Variants in LYPD6 observed in about 807,000 individuals in gnomAD.
LYPD6 encodes the protein ly6/PLAUR domain-containing protein 6.
In LYPD6, 15 loss-of-function variants were observed where a neutral mutation model predicts 22.7. That is an observed-to-expected ratio of 0.66 (90% CI 0.44 to 1.02). LYPD6 has a LOEUF of 1.02. Among genes scored for constraint, LYPD6 ranks in the 50% least tolerant of loss-of-function variants. The probability of loss-of-function intolerance (pLI) is 0.00; values close to 1 mark genes in which losing one functional copy is unlikely to be tolerated. For missense variants in LYPD6, 189 were observed against 208.4 expected (o/e 0.91, Z 0.57); for synonymous variants, 72 against 77.5 (o/e 0.93, Z 0.37).
chr2:149,459,108 A>G (rs554442820), intron 3 of LYPD6, among the ~76,000 whole-genome samples: 1 of 152,216 alleles, frequency 6.6e-6, no homozygotes, highest in Non-Finnish European at 1.5e-5. Context: ...AATCCACACA[A>G]AAACACATAA....
intron 1 of LYPD6, among the ~76,000 whole-genome samples, chr2:149,392,512 C>T (rs1045779035): frequency 7.9e-5 from 12 of 152,324 alleles, no homozygotes; most frequent in African/African-American, 2.9e-4. Flanking sequence ...CTCTTGGAAA[C>T]TCACAGGGTA....
intron 1 of LYPD6, among the ~76,000 whole-genome samples, chr2:149,344,313 T>A (rs918231000): frequency 6.6e-6 from 1 of 152,216 alleles, no homozygotes; most frequent in Non-Finnish European, 1.5e-5. Context: ...CTGCAAGCTA[T>A]GCACTTTTCC....
At chr2:149,349,140 A>C (rs1370134040) in intron 1 of LYPD6, among the ~76,000 whole-genome samples, 1 of 152,124 alleles carries the variant, frequency 6.6e-6, no homozygotes, top group Non-Finnish European at 1.5e-5. Flanking sequence ...GAAATGGAGT[A>C]GGAGGTTGGG....
chr2:149,402,481 T>C (rs950341711), intron 1 of LYPD6, among the ~76,000 whole-genome samples: 1 of 152,204 alleles, frequency 6.6e-6, no homozygotes, highest in Non-Finnish European at 1.5e-5. Context: ...CCATAGTGGC[T>C]GCACTAGTTT....
At chr2:149,477,622 CAAAAAAAAAAAAA>C (rs35507967), downstream of LYPD6, among the ~76,000 whole-genome samples, 122 of 62,932 alleles carry the variant, frequency 1.9e-3, no homozygotes, top group African/African-American at 7.4e-3. Flanking sequence ...AACTGTGTCT[CAAAAAAAAAAAAA>C]AAAAAAAAAA....
chr2:149,461,621 A>AT (rs967378450), intron 3 of LYPD6, among the ~76,000 whole-genome samples: 5 of 151,942 alleles, frequency 3.3e-5, no homozygotes, highest in African/African-American at 7.2e-5. Context: ...CCAATCTATT[A>AT]TTTTTTTATG....
intron 2 of LYPD6, among the ~76,000 whole-genome samples, chr2:149,438,744 A>G (rs1017967949): frequency 7.2e-5 from 11 of 152,212 alleles, no homozygotes; most frequent in Non-Finnish European, 1.0e-4. Flanking sequence ...GACTCCTTCA[A>G]TCCACGTGGT....
chr2:149,390,250 C>T (rs945227219), intron 1 of LYPD6, among the ~76,000 whole-genome samples: 2 of 152,222 alleles, frequency 1.3e-5, no homozygotes, highest in African/African-American at 4.8e-5. Context: ...CTTTGGCTGT[C>T]TGGCCTCTTA....
At chr2:149,424,561 A>T (rs930735509) in intron 1 of LYPD6, among the ~76,000 whole-genome samples, 1 of 152,210 alleles carries the variant, frequency 6.6e-6, no homozygotes, top group Non-Finnish European at 1.5e-5. Context: ...GCCACCTTAG[A>T]TAGGTAGAGG....
At chr2:149,448,609 A>G (rs1268176320) in intron 2 of LYPD6, among the ~76,000 whole-genome samples, 2 of 152,148 alleles carry the variant, frequency 1.3e-5, no homozygotes, top group Non-Finnish European at 2.9e-5. Context: ...AATGTCATAT[A>G]AATGGAACCA....
chr2:149,439,492 T>G (rs1380471292), intron 2 of LYPD6, among the ~76,000 whole-genome samples: 1 of 152,220 alleles, frequency 6.6e-6, no homozygotes, highest in Admixed American at 6.5e-5. Context: ...AGCTTCTGTA[T>G]GATTCCTTCT....
chr2:149,428,940 G>C (rs1334998672), intron 1 of LYPD6, among the ~76,000 whole-genome samples: 1 of 152,122 alleles, frequency 6.6e-6, no homozygotes, highest in African/African-American at 2.4e-5. Flanking sequence ...ATTCACCAGA[G>C]CAACCTTTAG....
chr2:149,372,230 T>C (rs1253846392), intron 1 of LYPD6, among the ~76,000 whole-genome samples: 2 of 152,186 alleles, frequency 1.3e-5, no homozygotes. Context: ...TCCTCATTAA[T>C]TCCTAATACT....
intron 1 of LYPD6, among the ~76,000 whole-genome samples, chr2:149,364,542 CA>C (rs1681625857): frequency 6.9e-6 from 1 of 145,688 alleles, no homozygotes; most frequent in South Asian, 2.1e-4. Context: ...TTACAGAGTA[CA>C]ATTTTTTTTT....
At chr2:149,377,284 G>A (rs1681943834) in intron 1 of LYPD6, among the ~76,000 whole-genome samples, 1 of 150,652 alleles carries the variant, frequency 6.6e-6, no homozygotes, top group Non-Finnish European at 1.5e-5. Context: ...AGACTATGCA[G>A]GAATCTGCCT....
chr2:149,407,409 T>TA (rs1682742026), intron 1 of LYPD6, among the ~76,000 whole-genome samples: 1 of 152,188 alleles, frequency 6.6e-6, no homozygotes, highest in South Asian at 2.1e-4. Flanking sequence ...TAGTCGCATA[T>TA]TTCTTGGAGG....
At chr2:149,381,127 A>G (rs1682052780) in intron 1 of LYPD6, among the ~76,000 whole-genome samples, 1 of 152,148 alleles carries the variant, frequency 6.6e-6, no homozygotes, top group South Asian at 2.1e-4. Context: ...ACAAAATGGA[A>G]GAAGAGGAAC....
intron 1 of LYPD6, among the ~76,000 whole-genome samples, chr2:149,331,912 G>C (rs140418916): frequency 1.3e-5 from 2 of 152,268 alleles, no homozygotes; most frequent in African/African-American, 2.4e-5. Flanking sequence ...GATATTATTA[G>C]AGCAATTCCC....
chr2:149,417,404 T>A (rs1223779689), intron 1 of LYPD6, among the ~76,000 whole-genome samples: 1 of 152,172 alleles, frequency 6.6e-6, no homozygotes, highest in Non-Finnish European at 1.5e-5. Flanking sequence ...AAAACTGTAA[T>A]ACAGAATGTT....
Sources: allele counts gnomAD v4.1 joint callset (sites outside exome capture counted in the v4.1 genomes callset), GRCh38; gene constraint gnomAD v4.1.1; transcripts MANE v1.5; gene names NCBI Gene and HGNC (gene_info 2026-07-23, HGNC 2026-07-21).